The following KCNIP4 variants were observed in gnomAD, a reference collection of about 807,000 sequenced individuals.
KCNIP4 encodes the protein Kv channel-interacting protein 4.
A neutral mutation model predicts 34.0 loss-of-function variants in KCNIP4; 12 were observed. The observed-to-expected ratio is 0.35, with a 90% CI of 0.23 to 0.57. The LOEUF (loss-of-function observed/expected upper bound fraction) is 0.57. KCNIP4 is among the 20% of genes least tolerant of loss of function. The pLI, the probability that KCNIP4 is intolerant of heterozygous loss-of-function variation, is 0.83. For missense variants in KCNIP4, 238 were observed against 311.7 expected (o/e 0.76, Z 1.78); for synonymous variants, 124 against 102.2 (o/e 1.21, Z -1.29).
At chr4:21,759,106 G>A (rs1338106693) in intron 1 of KCNIP4, among the ~76,000 whole-genome samples, 2 of 152,096 alleles carry the variant, frequency 1.3e-5, no homozygotes, top group African/African-American at 2.4e-5. Flanking sequence ...ACCACTGTGA[G>A]AGAAAAGATC....
chr4:21,313,553 T>C (rs1300971303), intron 1 of KCNIP4, among the ~76,000 whole-genome samples: 2 of 152,146 alleles, frequency 1.3e-5, no homozygotes, highest in Non-Finnish European at 2.9e-5. Flanking sequence ...TAAACTAGAA[T>C]CGAATTATGA....
At chr4:21,544,375 T>C (rs918576726) in intron 1 of KCNIP4, 5 of 152,152 alleles carry the variant, frequency 3.3e-5, no homozygotes, top group African/African-American at 4.8e-5. Context: ...AATAAGTATC[T>C]ATTTATTATC....
At chr4:21,329,273 C>T (rs1242959316) in intron 1 of KCNIP4, among the ~76,000 whole-genome samples, 1 of 152,154 alleles carries the variant, frequency 6.6e-6, no homozygotes, top group Non-Finnish European at 1.5e-5. Context: ...GTTTTATATA[C>T]TTCCAAGAGG....
intron 1 of KCNIP4, among the ~76,000 whole-genome samples, chr4:21,465,097 T>C (rs1429930954): frequency 2.0e-5 from 3 of 152,092 alleles, no homozygotes; most frequent in Non-Finnish European, 4.4e-5. Context: ...ATAGCCTTTT[T>C]TGAGTATAAA....
At chr4:20,948,493 A>G (rs1230901509) in intron 1 of KCNIP4, among the ~76,000 whole-genome samples, 1 of 152,092 alleles carries the variant, frequency 6.6e-6, no homozygotes, top group African/African-American at 2.4e-5. Context: ...GATATTACCC[A>G]CCACATGTGG....
chr4:21,454,042 C>T (rs1728726713), intron 1 of KCNIP4, among the ~76,000 whole-genome samples: 1 of 151,962 alleles, frequency 6.6e-6, no homozygotes, highest in East Asian at 1.9e-4. Context: ...CACTCAAAAA[C>T]ATTAACTACT....
At chr4:21,883,960 C>T (rs574208956) in intron 1 of KCNIP4, among the ~76,000 whole-genome samples, 1 of 151,998 alleles carries the variant, frequency 6.6e-6, no homozygotes, top group Non-Finnish European at 1.5e-5. Flanking sequence ...TAGAAATATT[C>T]GGGAGTAGGT....
intron 1 of KCNIP4, among the ~76,000 whole-genome samples, chr4:21,918,381 G>A (rs1183363963): frequency 1.3e-5 from 2 of 152,188 alleles, no homozygotes; most frequent in African/African-American, 4.8e-5. Flanking sequence ...AAACTGATAA[G>A]ATTGGACAAC....
chr4:21,256,103 G>T (rs1761046025), intron 1 of KCNIP4, among the ~76,000 whole-genome samples: 1 of 152,142 alleles, frequency 6.6e-6, no homozygotes, highest in African/African-American at 2.4e-5. Context: ...AGTGAGATGT[G>T]CTAGAAGTGG....
chr4:20,841,511 G>A (rs923400199), intron 3 of KCNIP4, among the ~76,000 whole-genome samples: 2 of 152,130 alleles, frequency 1.3e-5, no homozygotes, highest in Admixed American at 1.3e-4. Context: ...CAAGATAGCT[G>A]TGAGTCCTCC....
chr4:20,880,277 GA>G (rs1352296207), intron 2 of KCNIP4, among the ~76,000 whole-genome samples: 1 of 152,004 alleles, frequency 6.6e-6, no homozygotes, highest in East Asian at 1.9e-4. Context: ...TGACTGTCCT[GA>G]ACATGAGAGA....
intron 3 of KCNIP4, among the ~76,000 whole-genome samples, chr4:20,832,712 G>T (rs1718567707): frequency 6.9e-6 from 1 of 145,028 alleles, no homozygotes; most frequent in African/African-American, 2.6e-5. Context: ...TGACCTATTT[G>T]AATGCTTTTT....
chr4:21,941,213 TTTC>T (rs1435619710), intron 1 of KCNIP4, among the ~76,000 whole-genome samples: 2 of 152,182 alleles, frequency 1.3e-5, no homozygotes, highest in East Asian at 3.8e-4. Context: ...AGTCATGTCT[TTTC>T]TTGTAAAAAA....
rs532005787 is a variant in KCNIP4 at position 21,845,230 on chromosome 4, G to A, written c.61+103341C>T. ...CCAGTACATGTTTTAGGCTTTGCAG[G>A]TTATACAATCTTTACCACAATTACT... On this transcript the variant is annotated intron_variant, in intron 1 of 8. Transcript: ENST00000382152. 6 of 152,144 alleles carry A rather than the reference G, an allele frequency of 3.9e-5. No individual in the cohort carries two copies. In the South Asian group the frequency reaches 1.2e-3, roughly 32 times the overall value. The allele number at this position is 152,144 out of a possible 1,614,324, so 9.4% of individuals were successfully genotyped here.
intron 1 of KCNIP4, among the ~76,000 whole-genome samples, chr4:21,179,090 T>C (rs1195386959): frequency 6.6e-6 from 1 of 152,200 alleles, no homozygotes; most frequent in East Asian, 1.9e-4. Context: ...GTGCTGTGAT[T>C]ACAGGCGTGA....
intron 1 of KCNIP4, among the ~76,000 whole-genome samples, chr4:20,884,271 C>T (rs946865321): frequency 6.6e-6 from 1 of 152,144 alleles, no homozygotes; most frequent in African/African-American, 2.4e-5. Context: ...AGGTTTGTTA[C>T]ATAGGTATAC....
In KCNIP4 at chr4:21,591,659, T is replaced by C. The variant is rs1742234322; in HGVS notation, c.61+356912A>G. Among the ~76,000 whole-genome samples the C allele has an allele frequency of 2.0e-5, 3 of 152,090 alleles. No individual in the cohort carries two copies. In the South Asian group the frequency reaches 6.2e-4, roughly 31 times the overall value. On this transcript the variant is annotated intron_variant, in intron 1 of 8. Transcript: ENST00000382152. ...AATATCTTACTGGTGACTTCAGTAATTCTGGAGTTAAATAAAATTTTTGAG... is the reference window on the plus strand; with the variant it reads ...AATATCTTACTGGTGACTTCAGTAACTCTGGAGTTAAATAAAATTTTTGAG...
chr4:21,886,327 G>A (rs1578110625), intron 1 of KCNIP4, among the ~76,000 whole-genome samples: 2 of 152,046 alleles, frequency 1.3e-5, no homozygotes, highest in East Asian at 1.9e-4. Context: ...CAAATAAAAA[G>A]CAGATCTTTG....
intron 1 of KCNIP4, among the ~76,000 whole-genome samples, chr4:20,884,685 A>G (rs1021811884): frequency 2.1e-5 from 3 of 142,428 alleles, no homozygotes; most frequent in Admixed American, 1.5e-4. Flanking sequence ...CCAACTCTCA[A>G]CTTCTGTATC....
Sources: gnomAD v4.1 joint callset for allele counts (sites outside exome capture counted in the v4.1 genomes callset) on GRCh38, gnomAD v4.1.1 for gene constraint, MANE v1.5 for transcripts, NCBI Gene and HGNC (gene_info 2026-07-23, HGNC 2026-07-21) for gene names.